The following MORF4L1 variants were observed in gnomAD, a reference collection of about 807,000 sequenced individuals.
The protein encoded by MORF4L1 is mortality factor 4-like protein 1.
Under a neutral mutation model 52.9 loss-of-function variants are expected in MORF4L1, and 4 were observed. The observed-to-expected ratio is 0.08, with a 90% CI of 0.04 to 0.17. MORF4L1 has a LOEUF of 0.17. MORF4L1 is among the 10% of genes least tolerant of loss of function. The pLI, the probability that MORF4L1 is intolerant of heterozygous loss-of-function variation, is 1.00. For synonymous variants in MORF4L1, 123 were observed against 134.8 expected (o/e 0.91, Z 0.61); for missense variants, 214 against 390.4 (o/e 0.55, Z 3.81).
chr15:78,873,293 G>A lies in MORF4L1; in HGVS notation c.40+236G>A, dbSNP rs77415140. 5.6e-3 allele frequency: 7,478 copies of A among 1,340,928 alleles called. 388 individuals are homozygous for A. In the African/African-American group the frequency reaches 0.1, roughly 18 times the overall value. The allele number at this position is 1,340,928 out of a possible 1,614,324, so 83.1% of individuals were successfully genotyped here. On this transcript the variant is annotated intron_variant, in intron 1 of 11. Coordinates refer to ENST00000426013, the MANE Select transcript of MORF4L1 (RefSeq NM_006791.4). ...GTTAGAGTGGGAGAGAGAGCGTTTGGCGCGTGGCACACCCTCGTCAAGTGT... is the reference window on the plus strand; with the variant it reads ...GTTAGAGTGGGAGAGAGAGCGTTTGACGCGTGGCACACCCTCGTCAAGTGT...
rs1286509737 is a variant in MORF4L1, at chr15:78,897,177, G to A, written c.*110G>A. The A allele has an allele frequency of 1.3e-6, 1 of 765,138 alleles. No homozygotes were observed. Among genetic ancestry groups the A allele is most frequent in the African/African-American group, 1.8e-5 (1 of 56,218 alleles). 47.4% of individuals were successfully genotyped at this position (765,138 alleles called of 1,614,324 possible). On this transcript the variant is annotated 3_prime_UTR_variant, in exon 12 of 12. Transcript: ENST00000426013. ...AAGATGTTAGTGTATAACAATTGAT[G>A]TTTGTTTTCTGTTTGATTTTAAACA...
intron 1 of MORF4L1, among the ~76,000 whole-genome samples, chr15:78,875,848 T>G (rs78112954): frequency 6.6e-6 from 1 of 152,136 alleles, no homozygotes; most frequent in African/African-American, 2.4e-5. Flanking sequence ...AAAAGAATAT[T>G]TGATGAGTGC....
chr15:78,883,307 T>G (rs116499216), intron 3 of MORF4L1, among the ~76,000 whole-genome samples: 1 of 152,030 alleles, frequency 6.6e-6, no homozygotes, highest in Admixed American at 6.5e-5. Flanking sequence ...CCTTAAAAAA[T>G]TATTTTAGAA....
intron 6 of MORF4L1, 146 bp downstream of exon 6, chr15:78,891,160 A>C (rs983862816): frequency 9.6e-7 from 1 of 1,047,086 alleles, no homozygotes; most frequent in East Asian, 2.8e-5. Context: ...TAAAATAGGT[A>C]CATGGTGGTA....
At chr15:78,894,306 T>C in intron 10 of MORF4L1, 76 bp downstream of exon 10, 1 of 1,212,720 alleles carries the variant, frequency 8.2e-7, no homozygotes, top group Admixed American at 2.7e-5. Flanking sequence ...GTAAAGTAAT[T>C]AACTTTCCAA....
Position 78,886,103 on chromosome 15 carries a change from G to A in MORF4L1, c.156-38G>A, listed in dbSNP as rs751479533. The A allele has an allele frequency of 9.3e-6, 14 of 1,499,076 alleles. No individual in the cohort carries two copies. The African/African-American group carries it at 1.9e-4, about 21-fold the overall frequency. The allele number at this position is 1,499,076 out of a possible 1,614,324, so 92.9% of individuals were successfully genotyped here. On this transcript the variant is annotated intron_variant, in intron 3 of 11. Coordinates refer to ENST00000426013, the MANE Select transcript of MORF4L1 (RefSeq NM_006791.4). ...CTCAGAAAATTAGTTGGAGAACAGA[G>A]TATTTTTGAGTTAAATTTTAACTTT...
intron 2 of MORF4L1, among the ~76,000 whole-genome samples, chr15:78,879,197 T>A (rs8029496): frequency 0.13 from 19,745 of 151,912 alleles, 1,357 homozygotes; most frequent in East Asian, 0.26. Flanking sequence ...CAAGCGAGAC[T>A]CTCTCTCTCT....
In MORF4L1 at chr15:78,897,102, T is replaced by C. The variant is rs1445012595; in HGVS notation, c.*35T>C. Reference sequence around the variant, plus strand: ...TCACTCACTTATGTTTGGATCTCCGTAAACACATTTTTGTTCTTAGTCTAT... The same window carrying C: ...TCACTCACTTATGTTTGGATCTCCGCAAACACATTTTTGTTCTTAGTCTAT... On this transcript the variant is annotated 3_prime_UTR_variant, in exon 12 of 12. Coordinates refer to ENST00000426013, the MANE Select transcript of MORF4L1 (RefSeq NM_006791.4). The C allele has an allele frequency of 1.3e-6, 2 of 1,524,828 alleles. No homozygotes were observed. Among genetic ancestry groups the C allele is most frequent in the Non-Finnish European group, 1.8e-6 (2 of 1,101,434 alleles). The allele number at this position is 1,524,828 out of a possible 1,614,324, so 94.5% of individuals were successfully genotyped here. A position where few individuals can be genotyped will look rare whatever the true frequency, so the allele number is the denominator to read the frequency against.
At chr15:78,874,801 A>G (rs561364766) in intron 1 of MORF4L1, among the ~76,000 whole-genome samples, 2 of 121,840 alleles carry the variant, frequency 1.6e-5, no homozygotes, top group East Asian at 3.0e-4. Flanking sequence ...TCATTATTTT[A>G]CTAGACATTT....
chr15:78,891,816 T>TC, intron 7 of MORF4L1: 1 of 471,524 alleles, frequency 2.1e-6, no homozygotes, highest in Admixed American at 3.8e-5. Flanking sequence ...CAAGACTATT[T>TC]CTTTGGTGTT....
intron 7 of MORF4L1, 105 bp from the exon 8 acceptor site, chr15:78,892,107 C>T: frequency 1.5e-6 from 1 of 649,148 alleles, no homozygotes; most frequent in Non-Finnish European, 2.7e-6. Context: ...GTATGCTTGG[C>T]TACTTTAAGA....
chr15:78,884,835 A>C (rs907935732), intron 3 of MORF4L1: 12 of 509,690 alleles, frequency 2.4e-5, no homozygotes, highest in African/African-American at 2.4e-4. Flanking sequence ...GGAGATTTCT[A>C]AATTTTCAAA....
chr15:78,895,845 G>T lies in MORF4L1; in HGVS notation c.887+941G>T, dbSNP rs115054129. Among the ~76,000 whole-genome samples, 1,487 of 152,116 alleles carry T rather than the reference G, an allele frequency of 9.8e-3. 31 individuals are homozygous for T. Among genetic ancestry groups the T allele is most frequent in the African/African-American group, 0.035 (1,437 of 41,490 alleles). Reference sequence around the variant, plus strand: ...TTTACAGTAAATTTAAAACTGCAACGTGGACTTGAGAATGTAGGCAAGATT... The same window carrying T: ...TTTACAGTAAATTTAAAACTGCAACTTGGACTTGAGAATGTAGGCAAGATT... On this transcript the variant is annotated intron_variant, in intron 11 of 11. Coordinates refer to ENST00000426013, the MANE Select transcript of MORF4L1 (RefSeq NM_006791.4).
At chr15:78,873,345 C>G in intron 1 of MORF4L1, 2 of 767,942 alleles carry the variant, frequency 2.6e-6, no homozygotes, top group Non-Finnish European at 3.5e-6. Flanking sequence ...GAAGAGGGCG[C>G]GGAGAGAGCA....
chr15:78,885,942 G>A (rs555035205), intron 3 of MORF4L1, among the ~76,000 whole-genome samples, 199 bp from the exon 4 acceptor site: 7 of 152,264 alleles, frequency 4.6e-5, no homozygotes, highest in African/African-American at 1.4e-4. Flanking sequence ...CTTAGATTTG[G>A]AATGCTGCTT....
At chr15:78,887,235 T>C (rs753198614) in intron 4 of MORF4L1, 34 bp from the exon 5 acceptor site, 6 of 1,550,520 alleles carry the variant, frequency 3.9e-6, no homozygotes, top group Non-Finnish European at 5.3e-6. Flanking sequence ...TAAATGCTCA[T>C]TTTATGTTGA....
rs113014423 is a variant in MORF4L1 at position 78,887,392 on chromosome 15, A to T, written c.323+43A>T. On this transcript the variant is annotated intron_variant, in intron 5 of 11. Coordinates refer to ENST00000426013, the MANE Select transcript of MORF4L1 (RefSeq NM_006791.4). ...TTGATTTTGCATACTATATGTGAAG[A>T]TAATATTTTATGTTCATTGTGTGTT... The T allele has an allele frequency of 1.9e-3, 2,830 of 1,511,294 alleles. 57 individuals are homozygous for T. In the African/African-American group the frequency reaches 0.036, roughly 19 times the overall value. The allele number at this position is 1,511,294 out of a possible 1,614,324, so 93.6% of individuals were successfully genotyped here.
chr15:78,889,624 C>T (rs528913584), intron 5 of MORF4L1, among the ~76,000 whole-genome samples: 59 of 152,218 alleles, frequency 3.9e-4, no homozygotes, highest in African/African-American at 2.4e-4. Flanking sequence ...CATATTGACA[C>T]GTGCAAGTAA....
chr15:78,877,059 C>A (rs2056506384), intron 1 of MORF4L1, among the ~76,000 whole-genome samples: 1 of 143,744 alleles, frequency 7.0e-6, no homozygotes. Context: ...CATGTCTCAG[C>A]CTCCCGAGTA....
Sources: allele counts gnomAD v4.1 joint callset (sites outside exome capture counted in the v4.1 genomes callset), GRCh38; gene constraint gnomAD v4.1.1; transcripts MANE v1.5; gene names NCBI Gene and HGNC (gene_info 2026-07-23, HGNC 2026-07-21).